GALNT14: variants seen among roughly 807,000 people sequenced by gnomAD.
The protein encoded by GALNT14 is polypeptide N-acetylgalactosaminyltransferase 14, also known as UDP-GalNAc:polypeptide N-acetylgalactosaminyltransferase 14.
Under a neutral mutation model 77.5 loss-of-function variants are expected in GALNT14, and 60 were observed. That is an observed-to-expected ratio of 0.77 (90% CI 0.63 to 0.96). The LOEUF (loss-of-function observed/expected upper bound fraction) is 0.96. Among genes scored for constraint, GALNT14 ranks in the 40% least tolerant of loss-of-function variants. The pLI is 0.00. For missense variants in GALNT14, 710 were observed against 731.0 expected (o/e 0.97, Z 0.33); for synonymous variants, 280 against 281.7 (o/e 0.99, Z 0.06).
downstream of GALNT14, among the ~76,000 whole-genome samples, chr2:30,906,071 T>C (rs1361969254): frequency 1.6e-3 from 245 of 150,248 alleles, no homozygotes; most frequent in African/African-American, 5.8e-3. Flanking sequence ...GCACTAAACA[T>C]GGAAAGGAAC....
intron 1 of GALNT14, among the ~76,000 whole-genome samples, chr2:31,014,444 CTT>C (rs1456031272): frequency 2.6e-5 from 4 of 152,150 alleles, no homozygotes; most frequent in Admixed American, 2.0e-4. Context: ...AGAGCAAACT[CTT>C]TTCCCCAGGA....
chr2:30,964,753 T>A (rs1005772926), intron 3 of GALNT14, among the ~76,000 whole-genome samples: 2 of 152,102 alleles, frequency 1.3e-5, no homozygotes, highest in African/African-American at 2.4e-5. Flanking sequence ...CTCTAAGGGA[T>A]GTGGTGACTG....
At chr2:30,993,188 C>T (rs1040353107) in intron 1 of GALNT14, among the ~76,000 whole-genome samples, 181 bp from the exon 2 acceptor site, 6 of 152,204 alleles carry the variant, frequency 3.9e-5, no homozygotes, top group African/African-American at 1.4e-4. Context: ...ACTATGACAA[C>T]GATGGCTGCC....
At chr2:30,919,875 G>A (rs1003806220) in intron 13 of GALNT14, among the ~76,000 whole-genome samples, 9 of 152,256 alleles carry the variant, frequency 5.9e-5, no homozygotes, top group African/African-American at 1.9e-4. Flanking sequence ...TCATGCTCTT[G>A]TCCCAATGCC....
chr2:30,963,963 G>A (rs758254805), intron 3 of GALNT14, among the ~76,000 whole-genome samples: 7 of 152,180 alleles, frequency 4.6e-5, no homozygotes, highest in Non-Finnish European at 1.0e-4. Context: ...GATAAGATAA[G>A]TCCTTGCCCT....
chr2:31,067,142 C>G (rs1675025014), intron 1 of GALNT14, among the ~76,000 whole-genome samples: 2 of 152,190 alleles, frequency 1.3e-5, no homozygotes, highest in Non-Finnish European at 2.9e-5. Flanking sequence ...CCTCTCTCCC[C>G]ATCACCCAGC....
intron 1 of GALNT14, chr2:31,065,196 G>A (rs916311179): frequency 3.3e-5 from 5 of 151,920 alleles, no homozygotes; most frequent in African/African-American, 1.2e-4. Context: ...TAAATATTAT[G>A]TGGATGCTTG....
At chr2:31,025,753 G>C (rs1208853547) in intron 1 of GALNT14, among the ~76,000 whole-genome samples, 2 of 152,202 alleles carry the variant, frequency 1.3e-5, no homozygotes, top group African/African-American at 4.8e-5. Context: ...CAGAAAGAGA[G>C]ATTTAAACAA....
chr2:30,971,080 G>A (rs1199560573), intron 2 of GALNT14, among the ~76,000 whole-genome samples: 2 of 152,098 alleles, frequency 1.3e-5, no homozygotes, highest in Non-Finnish European at 2.9e-5. Flanking sequence ...GTGGTCCAAG[G>A]ACCAAGGGAT....
intron 1 of GALNT14, among the ~76,000 whole-genome samples, chr2:31,109,423 A>T (rs1251530258): frequency 6.6e-6 from 1 of 152,214 alleles, no homozygotes; most frequent in African/African-American, 2.4e-5. Context: ...TCAGGCTGCT[A>T]ATAGCACTGA....
chr2:31,086,000 G>T (rs981369626), intron 1 of GALNT14, among the ~76,000 whole-genome samples: 1 of 152,092 alleles, frequency 6.6e-6, no homozygotes, highest in African/African-American at 2.4e-5. Context: ...AGACTTACTC[G>T]CTATCACAAG....
chr2:31,028,360 G>A (rs1672200666), intron 1 of GALNT14, among the ~76,000 whole-genome samples: 1 of 152,170 alleles, frequency 6.6e-6, no homozygotes, highest in African/African-American at 2.4e-5. Flanking sequence ...TCCCACCATG[G>A]CGGAAAGCCA....
intron 3 of GALNT14, among the ~76,000 whole-genome samples, chr2:30,964,858 C>T (rs1365003450): frequency 1.3e-5 from 2 of 152,202 alleles, no homozygotes; most frequent in Admixed American, 1.3e-4. Context: ...CTCCCATCAC[C>T]TGGAACTTCC....
the GALNT14 span, among the ~76,000 whole-genome samples, chr2:30,888,996 G>C: frequency 6.7e-6 from 1 of 149,036 alleles, no homozygotes; most frequent in Admixed American, 6.7e-5. Flanking sequence ...ACAGGATTGT[G>C]TCCTGGGGCC....
chr2:31,050,016 C>T (rs899863020), intron 1 of GALNT14, among the ~76,000 whole-genome samples: 3 of 152,060 alleles, frequency 2.0e-5, no homozygotes, highest in Admixed American at 1.3e-4. Context: ...GCGATGGGGA[C>T]GTGTGGGTTC....
At chr2:31,004,342 C>T (rs977917683) in intron 1 of GALNT14, among the ~76,000 whole-genome samples, 1 of 152,148 alleles carries the variant, frequency 6.6e-6, no homozygotes, top group African/African-American at 2.4e-5. Flanking sequence ...GAGGCCAATA[C>T]TGGAAGAGAA....
At chr2:30,895,280 G>C in the GALNT14 span, among the ~76,000 whole-genome samples, 1 of 152,132 alleles carries the variant, frequency 6.6e-6, no homozygotes, top group Non-Finnish European at 1.5e-5. Flanking sequence ...TGGGGGAACC[G>C]ACACATGGAC....
chr2:31,138,262 C>A lies in GALNT14; in HGVS notation c.-176G>T, dbSNP rs994605595. 1.3e-6 allele frequency: 1 copy of A among 774,582 alleles called. No homozygotes were observed. The highest frequency in any genetic ancestry group is 1.8e-5 in the African/African-American group (1 of 56,606). 48.0% of individuals were successfully genotyped at this position (774,582 alleles called of 1,614,324 possible). A position where few individuals can be genotyped will look rare whatever the true frequency, so the allele number is the denominator to read the frequency against. ...GCGCCCTTCCCGCTTCGAAGAGAAG[C>A]GAGCCTGGGTGGGGGGTGCAGGGCG... is the stretch of plus-strand genomic sequence containing the variant. On this transcript the variant is annotated 5_prime_UTR_variant, in exon 1 of 15. Transcript: ENST00000349752.
At chr2:31,071,362 T>G (rs1177998583) in intron 1 of GALNT14, among the ~76,000 whole-genome samples, 1 of 152,170 alleles carries the variant, frequency 6.6e-6, no homozygotes, top group Non-Finnish European at 1.5e-5. Flanking sequence ...TTGAACAAAG[T>G]CCGGAGGACA....
Sources: allele counts gnomAD v4.1 joint callset (sites outside exome capture counted in the v4.1 genomes callset), GRCh38; gene constraint gnomAD v4.1.1; transcripts MANE v1.5; gene names NCBI Gene and HGNC (gene_info 2026-07-23, HGNC 2026-07-21).